Variants in ARMC8 observed in about 807,000 individuals in gnomAD.
ARMC8 encodes the protein armadillo repeat-containing protein 8.
Under a neutral mutation model 99.3 loss-of-function variants are expected in ARMC8, and 20 were observed. The ratio of observed to expected loss-of-function variants is 0.20; its 90% CI spans 0.14 to 0.29. The LOEUF (loss-of-function observed/expected upper bound fraction) is 0.29. Among genes scored for constraint, ARMC8 ranks in the 10% least tolerant of loss-of-function variants. The pLI, the probability that ARMC8 is intolerant of heterozygous loss-of-function variation, is 1.00. For synonymous variants in ARMC8, 263 were observed against 278.3 expected (o/e 0.95, Z 0.55); for missense variants, 569 against 809.5 (o/e 0.70, Z 3.60).
chr3:138,187,319 G>A lies in ARMC8; in HGVS notation c.-236G>A, dbSNP rs2043117742. The A allele has an allele frequency of 4.2e-6, 2 of 474,298 alleles. No homozygotes were observed. Among genetic ancestry groups the A allele is most frequent in the East Asian group, 3.4e-5 (1 of 29,256 alleles). The allele number at this position is 474,298 out of a possible 1,614,324, so 29.4% of individuals were successfully genotyped here. A position where few individuals can be genotyped will look rare whatever the true frequency, so the allele number is the denominator to read the frequency against. On this transcript the variant is annotated 5_prime_UTR_variant, in exon 1 of 22. Coordinates refer to ENST00000469044, the MANE Select transcript of ARMC8 (RefSeq NM_001363941.2). ...GCTGCCCGCTTCCACCTCTAACCCA[G>A]GCTCAGAGTAGCTGCTGTTTCTGAG...
rs539769207 is a variant in ARMC8 at position 138,297,613 on chromosome 3, A to G, written c.*1721A>G. 2.6e-5 allele frequency: 4 copies of G among 152,214 alleles called. No homozygotes were observed. The highest frequency in any genetic ancestry group is 9.6e-5 in the African/African-American group (4 of 41,454). 9.4% of individuals were successfully genotyped at this position (152,214 alleles called of 1,614,324 possible). A position where few individuals can be genotyped will look rare whatever the true frequency, so the allele number is the denominator to read the frequency against. On this transcript the variant is annotated 3_prime_UTR_variant, in exon 22 of 22. Coordinates refer to ENST00000469044, the MANE Select transcript of ARMC8 (RefSeq NM_001363941.2). ...TTTAATGCAATTTTTCCTGCTCTCA[A>G]CATGACCACCCAAGATTCAAACACA...
At chr3:138,217,022 A>G (rs753747166) in intron 2 of ARMC8, among the ~76,000 whole-genome samples, 4 of 152,148 alleles carry the variant, frequency 2.6e-5, no homozygotes, top group Non-Finnish European at 5.9e-5. Context: ...AGTTGCCTAC[A>G]TTATTCAGTA....
At chr3:138,232,379 G>C (rs924763269) in intron 6 of ARMC8, among the ~76,000 whole-genome samples, 1 of 152,058 alleles carries the variant, frequency 6.6e-6, no homozygotes, top group Non-Finnish European at 1.5e-5. Flanking sequence ...AGAATTTGAC[G>C]GAAAAAAGTA....
chr3:138,274,894 C>T (rs74737058), intron 18 of ARMC8, among the ~76,000 whole-genome samples: 58 of 152,230 alleles, frequency 3.8e-4, no homozygotes, highest in African/African-American at 1.3e-3. Context: ...TAGCCCTCTC[C>T]GCCGCCATGC....
At chr3:138,190,378 C>T (rs771737609) in intron 1 of ARMC8, among the ~76,000 whole-genome samples, 7 of 151,256 alleles carry the variant, frequency 4.6e-5, no homozygotes, top group South Asian at 2.1e-4. Flanking sequence ...CCACCGCCTC[C>T]GGGGTTCAAG....
rs973150209 is a variant in ARMC8 at position 138,187,514 on chromosome 3, C to T, written c.-41C>T. ...TAGTTGGCTGTCGAAAGTGCCGGCC[C>T]CCGCGCCGGCGCCTGCAGCAGCCGG... is the stretch of plus-strand genomic sequence containing the variant. On this transcript the variant is annotated 5_prime_UTR_variant, in exon 1 of 22. Coordinates refer to ENST00000469044, the MANE Select transcript of ARMC8 (RefSeq NM_001363941.2). 6.5e-7 allele frequency: 1 copy of T among 1,535,096 alleles called. No individual in the cohort carries two copies. Among genetic ancestry groups the T allele is most frequent in the Admixed American group, 2.0e-5 (1 of 50,946 alleles).
chr3:138,209,675 G>A lies in ARMC8; in HGVS notation c.46-142G>A, dbSNP rs1189116421. On this transcript the variant is annotated intron_variant, in intron 1 of 21. Transcript: ENST00000469044. ...CCTGCTTAAGTATCCCATATCATGA[G>A]GAGGCAAAACTAAGTATTTCATATA... The A allele has an allele frequency of 7.7e-6, 5 of 650,022 alleles. No individual in the cohort carries two copies. In the African/African-American group the frequency reaches 9.2e-5, roughly 12 times the overall value. The allele number at this position is 650,022 out of a possible 1,614,324, so 40.3% of individuals were successfully genotyped here. A position where few individuals can be genotyped will look rare whatever the true frequency, so the allele number is the denominator to read the frequency against.
Position 138,264,154 on chromosome 3 carries a change from C to G in ARMC8, c.1241C>G (p.Ser414Cys). ...AVRCLHSLSRSVQQLRTSFQD... is the reference protein window; with the variant it reads ...AVRCLHSLSRCVQQLRTSFQD... ...AGATGTTTGCACAGTTTATCCAGAT[C>G]TGTGCAGCAGCTTCGAACCAGTTTC... Residue 414 changes from serine to cysteine, a missense_variant, in exon 14 of 22, where the codon TCT (serine) becomes TGT (cysteine). This residue lies in a region of ARMC8 where 227 missense variants were observed against 417.9 expected (regional missense o/e 0.54). Coordinates refer to ENST00000469044, the MANE Select transcript of ARMC8 (RefSeq NM_001363941.2). 6.2e-7 allele frequency: 1 copy of G among 1,613,864 alleles called. No homozygotes were observed. The highest frequency in any genetic ancestry group is 8.5e-7 in the Non-Finnish European group (1 of 1,179,810).
chr3:138,214,707 A>T (rs2044910086), intron 2 of ARMC8, among the ~76,000 whole-genome samples: 1 of 152,182 alleles, frequency 6.6e-6, no homozygotes, highest in African/African-American at 2.4e-5. Context: ...CCCAGGCTGG[A>T]GTGCAGCAGC....
At chr3:138,237,234 GTTTAGATTCTGAGACA>G in intron 7 of ARMC8, 59 bp from the exon 8 acceptor site, 1 of 1,322,500 alleles carries the variant, frequency 7.6e-7, no homozygotes, top group African/African-American at 1.5e-5. Context: ...TTTTAGAAGA[GTTTAGATTCTGAGACA>G]TTAAAATTTG....
At chr3:138,211,820 C>T (rs1375209466) in intron 2 of ARMC8, among the ~76,000 whole-genome samples, 1 of 152,028 alleles carries the variant, frequency 6.6e-6, no homozygotes, top group East Asian at 1.9e-4. Flanking sequence ...AGAATTAAAT[C>T]AGAATTATAA....
At chr3:138,270,767 TA>T (rs1463918151) in intron 16 of ARMC8, among the ~76,000 whole-genome samples, 1 of 152,190 alleles carries the variant, frequency 6.6e-6, no homozygotes, top group Non-Finnish European at 1.5e-5. Context: ...CAGTTTCTAG[TA>T]AATAATTTGT....
At chr3:138,228,747 C>G (rs1260864384) in intron 5 of ARMC8, 171 bp from the exon 6 acceptor site, 1 of 575,846 alleles carries the variant, frequency 1.7e-6, no homozygotes, top group South Asian at 1.5e-5. Context: ...TGTCATTGGC[C>G]TAGACAGTTT....
intron 20 of ARMC8, among the ~76,000 whole-genome samples, chr3:138,289,720 A>C (rs2050762392): frequency 6.6e-6 from 1 of 152,144 alleles, no homozygotes; most frequent in Admixed American, 6.5e-5. Flanking sequence ...AGATGATTCC[A>C]ATATATAGCC....
At chr3:138,269,720 G>C (rs563184562) in intron 15 of ARMC8, among the ~76,000 whole-genome samples, 2 of 152,242 alleles carry the variant, frequency 1.3e-5, no homozygotes, top group East Asian at 3.9e-4. Context: ...GGGATCATAA[G>C]GGTCTGTGTG....
intron 12 of ARMC8, among the ~76,000 whole-genome samples, chr3:138,261,065 T>C (rs1199996391): frequency 2.0e-5 from 3 of 152,212 alleles, no homozygotes; most frequent in African/African-American, 7.2e-5. Context: ...GGTACTGATT[T>C]GGCCTTGTCT....
intron 15 of ARMC8, among the ~76,000 whole-genome samples, chr3:138,269,670 CAG>C (rs1312792116): frequency 2.0e-5 from 3 of 152,186 alleles, no homozygotes; most frequent in South Asian, 2.1e-4. Flanking sequence ...CAGAAAGTGA[CAG>C]AGTCTCAGCG....
intron 1 of ARMC8, among the ~76,000 whole-genome samples, chr3:138,203,368 T>C (rs1317557227): frequency 6.6e-6 from 1 of 152,254 alleles, no homozygotes; most frequent in Non-Finnish European, 1.5e-5. Flanking sequence ...TGTGGCCTAG[T>C]TGGTGCCTCT....
intron 7 of ARMC8, among the ~76,000 whole-genome samples, chr3:138,236,278 C>T (rs955036678): frequency 5.3e-5 from 8 of 152,108 alleles, no homozygotes; most frequent in Non-Finnish European, 1.0e-4. Flanking sequence ...TGAAAGGTAC[C>T]TCCTCTTTCC....
Sources: gnomAD v4.1 joint callset for allele counts (sites outside exome capture counted in the v4.1 genomes callset) on GRCh38, gnomAD v4.1.1 for gene constraint, gnomAD v4.1.1 regional missense constraint, MANE v1.5 for transcripts, NCBI Gene and HGNC (gene_info 2026-07-23, HGNC 2026-07-21) for gene names.